OR10J1: variants seen among roughly 807,000 people sequenced by gnomAD.
The protein encoded by OR10J1 is olfactory receptor 10J1.
For synonymous variants in OR10J1, 202 were observed against 143.8 expected (o/e 1.40, Z -2.89); for missense variants, 474 against 376.6 (o/e 1.26, Z -2.14).
Position 159,440,924 on chromosome 1 carries a change from G to A in OR10J1, c.*203G>A. 1 of 530,010 alleles carries A rather than the reference G, an allele frequency of 1.9e-6. No individual in the cohort carries two copies. 32.8% of individuals were successfully genotyped at this position (530,010 alleles called of 1,614,324 possible). A position where few individuals can be genotyped will look rare whatever the true frequency, so the allele number is the denominator to read the frequency against. On this transcript the variant is annotated 3_prime_UTR_variant, in exon 1 of 1. Coordinates refer to ENST00000423932, the MANE Select transcript of OR10J1 (RefSeq NM_012351.3). Reference sequence around the variant, plus strand: ...TTATCCCTATTTTTGGGGATAAATAGACAAACAAGGATAAGATATGCCTAA... The same window carrying A: ...TTATCCCTATTTTTGGGGATAAATAAACAAACAAGGATAAGATATGCCTAA...
the OR10J1 span, among the ~76,000 whole-genome samples, chr1:159,415,346 T>C: frequency 6.6e-6 from 1 of 152,112 alleles, no homozygotes; most frequent in South Asian, 2.1e-4. Context: ...CCAATGCATG[T>C]TCTTAGTGCC....
chr1:159,426,012 A>G, the OR10J1 span, among the ~76,000 whole-genome samples: 1 of 152,018 alleles, frequency 6.6e-6, no homozygotes, highest in African/African-American at 2.4e-5. Context: ...CAAAAATAAA[A>G]TTAAACTGTA....
At chr1:159,430,031 G>C in the OR10J1 span, among the ~76,000 whole-genome samples, 1 of 151,978 alleles carries the variant, frequency 6.6e-6, no homozygotes, top group Non-Finnish European at 1.5e-5. Context: ...AGGGATTCTT[G>C]TTCTGTAACT....
the OR10J1 span, among the ~76,000 whole-genome samples, chr1:159,427,741 G>A: frequency 6.6e-6 from 1 of 152,004 alleles, no homozygotes; most frequent in Non-Finnish European, 1.5e-5. Flanking sequence ...TAAAGAGGCT[G>A]CTAATTGCAA....
chr1:159,403,466 C>T, the OR10J1 span, among the ~76,000 whole-genome samples: 6 of 152,234 alleles, frequency 3.9e-5, no homozygotes, highest in African/African-American at 1.2e-4. Context: ...TTTGAATAGA[C>T]ATTTCTCAAA....
At chr1:159,411,592 C>T in the OR10J1 span, among the ~76,000 whole-genome samples, 3 of 152,028 alleles carry the variant, frequency 2.0e-5, no homozygotes. Flanking sequence ...CTATATGTGT[C>T]TCTGCACATG....
At chr1:159,405,808 C>G in the OR10J1 span, 49 of 1,349,012 alleles carry the variant, frequency 3.6e-5, 1 homozygote, top group South Asian at 5.9e-4. Context: ...GGTGTCTGTG[C>G]AGGCCAGCTT....
At chr1:159,418,328 G>T in the OR10J1 span, among the ~76,000 whole-genome samples, 1 of 152,136 alleles carries the variant, frequency 6.6e-6, no homozygotes, top group South Asian at 2.1e-4. Flanking sequence ...GGAAAAAGGG[G>T]TTTCCTGGGC....
chr1:159,401,478 T>C, the OR10J1 span, among the ~76,000 whole-genome samples: 1 of 151,962 alleles, frequency 6.6e-6, no homozygotes, highest in Non-Finnish European at 1.5e-5. Context: ...AGCAAGTATA[T>C]GCCAATAAAT....
At chr1:159,423,800 A>G in the OR10J1 span, among the ~76,000 whole-genome samples, 1 of 152,214 alleles carries the variant, frequency 6.6e-6, no homozygotes. Flanking sequence ...ACTTATAGAT[A>G]CTGACGTCTG....
At chr1:159,430,666 T>TGTGTGTGTGC in the OR10J1 span, among the ~76,000 whole-genome samples, 4 of 71,980 alleles carry the variant, frequency 5.6e-5, no homozygotes, top group East Asian at 3.1e-4. Context: ...TGTGTGTGTG[T>TGTGTGTGTGC]GTGCGCGCGC....
At chr1:159,402,504 A>C in the OR10J1 span, among the ~76,000 whole-genome samples, 19 of 152,154 alleles carry the variant, frequency 1.2e-4, no homozygotes, top group Non-Finnish European at 2.2e-4. Flanking sequence ...AAAAAATCCC[A>C]TTTACAATAG....
chr1:159,406,426 C>A, the OR10J1 span: 5 of 371,576 alleles, frequency 1.3e-5, no homozygotes, highest in Non-Finnish European at 2.6e-5. Flanking sequence ...GAGGCTCCAA[C>A]TATGTAACAG....
At chr1:159,431,745 T>C in the OR10J1 span, among the ~76,000 whole-genome samples, 2 of 152,196 alleles carry the variant, frequency 1.3e-5, no homozygotes, top group African/African-American at 2.4e-5. Context: ...AAATTACCTA[T>C]GATATTCAAC....
At chr1:159,403,389 T>C in the OR10J1 span, among the ~76,000 whole-genome samples, 4 of 151,636 alleles carry the variant, frequency 2.6e-5, no homozygotes, top group East Asian at 1.9e-4. Context: ...ATAAACCAAA[T>C]GTGTAAGGAG....
the OR10J1 span, among the ~76,000 whole-genome samples, chr1:159,418,435 T>A: frequency 6.6e-6 from 1 of 152,190 alleles, no homozygotes; most frequent in Non-Finnish European, 1.5e-5. Flanking sequence ...GCTCAGGTCA[T>A]AGCTTCAGAT....
At chr1:159,429,260 A>G in the OR10J1 span, among the ~76,000 whole-genome samples, 3 of 152,218 alleles carry the variant, frequency 2.0e-5, no homozygotes, top group South Asian at 4.1e-4. Flanking sequence ...GCTGTATTCC[A>G]TGTTCCTAGC....
chr1:159,417,510 G>A, the OR10J1 span, among the ~76,000 whole-genome samples: 2 of 152,138 alleles, frequency 1.3e-5, no homozygotes, highest in African/African-American at 4.8e-5. Flanking sequence ...AAAAGTGGAA[G>A]TTGTCCTGCA....
the OR10J1 span, among the ~76,000 whole-genome samples, chr1:159,425,067 A>T: frequency 1.3e-5 from 2 of 152,220 alleles, no homozygotes; most frequent in African/African-American, 2.4e-5. Flanking sequence ...ACAATGAAAC[A>T]ATGCCTTCAA....
Sources: gnomAD v4.1 joint callset for allele counts (sites outside exome capture counted in the v4.1 genomes callset) on GRCh38, gnomAD v4.1.1 for gene constraint, MANE v1.5 for transcripts, NCBI Gene and HGNC (gene_info 2026-07-23, HGNC 2026-07-21) for gene names.